Variants in PKIB observed in about 807,000 individuals in gnomAD.
The protein encoded by PKIB is cAMP-dependent protein kinase inhibitor beta, also known as PKI-beta.
PKIB carries 2 observed loss-of-function variants against 4.5 expected under a neutral mutation model. The observed-to-expected ratio is 0.44, with a 90% CI of 0.18 to 1.39. The LOEUF (loss-of-function observed/expected upper bound fraction) is 1.39, where lower values mean the gene tolerates loss of function less well. PKIB is among the 40% of genes most tolerant of loss of function. PKIB has a pLI of 0.27. For synonymous variants in PKIB, 38 were observed against 36.0 expected (o/e 1.06, Z -0.20); for missense variants, 94 against 92.6 (o/e 1.02, Z -0.06).
At position 122,600,397 on chromosome 6, in the gene PKIB, A is replaced by T. The variant is rs181856606; in HGVS notation, c.-161+14390A>T. Among the ~76,000 whole-genome samples, 27 of 152,310 alleles carry T rather than the reference A, an allele frequency of 1.8e-4. No homozygotes were observed. The East Asian group carries it at 3.7e-3, about 21-fold the overall frequency. ...CAGGATCAATAGTTTGTATCCATCA[A>T]TCCAATTAAGTTGACACTCAGTATT... is the stretch of plus-strand genomic sequence containing the variant. On this transcript the variant is annotated intron_variant, in intron 3 of 6. Coordinates refer to the PKIB transcript ENST00000392491.
intron 2 of PKIB, among the ~76,000 whole-genome samples, chr6:122,649,185 A>G (rs1177912299): frequency 6.6e-6 from 1 of 152,076 alleles, no homozygotes; most frequent in East Asian, 1.9e-4. Context: ...TTTTTCAGTC[A>G]TGTTCCTTTT....
chr6:122,690,435 A>G (rs1447054452), intron 3 of PKIB, among the ~76,000 whole-genome samples: 2 of 152,014 alleles, frequency 1.3e-5, no homozygotes, highest in Non-Finnish European at 2.9e-5. Flanking sequence ...TCAGGTTACC[A>G]TGAGGATTGC....
At chr6:122,671,363 C>G (rs528961672) in intron 2 of PKIB, among the ~76,000 whole-genome samples, 1 of 143,122 alleles carries the variant, frequency 7.0e-6, no homozygotes, top group Non-Finnish European at 1.5e-5. Context: ...TAAAATAGTT[C>G]AAATGAAAGC....
intron 2 of PKIB, among the ~76,000 whole-genome samples, chr6:122,673,890 G>A (rs1258018163): frequency 6.6e-6 from 1 of 152,166 alleles, no homozygotes; most frequent in Admixed American, 6.5e-5. Context: ...GTGTTTTAGA[G>A]CACATAGGAA....
chr6:122,570,701 G>A (rs944512248), intron 2 of PKIB, among the ~76,000 whole-genome samples: 3 of 151,726 alleles, frequency 2.0e-5, no homozygotes, highest in African/African-American at 7.3e-5. Context: ...AACTATAAAC[G>A]TTAAAGTCAG....
chr6:122,500,880 G>A (rs1002609170), intron 2 of PKIB, among the ~76,000 whole-genome samples: 8 of 152,250 alleles, frequency 5.3e-5, no homozygotes, highest in Middle Eastern at 3.4e-3. Flanking sequence ...TCATATAGTA[G>A]AGCAGGAGAG....
At chr6:122,478,892 GA>G (rs1045746322) in intron 2 of PKIB, 13 of 152,244 alleles carry the variant, frequency 8.5e-5, no homozygotes, top group African/African-American at 3.1e-4. Context: ...GCACTGGAGG[GA>G]ATCTCCTGGT....
intron 2 of PKIB, among the ~76,000 whole-genome samples, chr6:122,540,287 G>A (rs1442340204): frequency 6.6e-6 from 1 of 151,580 alleles, no homozygotes; most frequent in African/African-American, 2.4e-5. Context: ...TGTCAATTCT[G>A]GATCTTTTCT....
At chr6:122,552,189 C>G (rs1383625707) in intron 2 of PKIB, among the ~76,000 whole-genome samples, 1 of 152,084 alleles carries the variant, frequency 6.6e-6, no homozygotes, top group African/African-American at 2.4e-5. Context: ...GGCTTTCTTT[C>G]TTGGTTCCAA....
chr6:122,568,680 C>T (rs1417781654), intron 2 of PKIB, among the ~76,000 whole-genome samples: 1 of 152,186 alleles, frequency 6.6e-6, no homozygotes, highest in Admixed American at 6.5e-5. Flanking sequence ...AGAAGCTCCC[C>T]ACTGAATTTT....
At chr6:122,512,729 A>G (rs1776622378) in intron 2 of PKIB, among the ~76,000 whole-genome samples, 1 of 152,170 alleles carries the variant, frequency 6.6e-6, no homozygotes, top group African/African-American at 2.4e-5. Context: ...CTTATAGTAG[A>G]AAAATATTCC....
intron 2 of PKIB, among the ~76,000 whole-genome samples, chr6:122,488,890 T>C (rs1775854268): frequency 6.6e-6 from 1 of 152,186 alleles, no homozygotes; most frequent in African/African-American, 2.4e-5. Flanking sequence ...AATTGTGTGT[T>C]CCCAGTGATA....
intron 2 of PKIB, among the ~76,000 whole-genome samples, chr6:122,665,094 A>G (rs1028185906): frequency 1.3e-5 from 2 of 152,160 alleles, no homozygotes; most frequent in East Asian, 3.9e-4. Flanking sequence ...TAGTAAAATT[A>G]AGCTTGTTTT....
chr6:122,592,325 T>A (rs1774042602), intron 3 of PKIB, among the ~76,000 whole-genome samples: 1 of 152,196 alleles, frequency 6.6e-6, no homozygotes. Context: ...TTTCTGGATT[T>A]AAATTTCTAT....
At chr6:122,575,526 T>C (rs755437411) in intron 2 of PKIB, among the ~76,000 whole-genome samples, 6 of 152,012 alleles carry the variant, frequency 3.9e-5, no homozygotes, top group Non-Finnish European at 7.4e-5. Flanking sequence ...TAAGCGCCCA[T>C]TGACCAACGA....
chr6:122,646,066 C>A (rs1182293586), intron 2 of PKIB, among the ~76,000 whole-genome samples: 2 of 151,898 alleles, frequency 1.3e-5, no homozygotes, highest in Non-Finnish European at 2.9e-5. Context: ...GTGAAGCACG[C>A]AATATGGAGG....
intron 2 of PKIB, among the ~76,000 whole-genome samples, chr6:122,506,165 T>G (rs1475565231): frequency 6.6e-6 from 1 of 152,202 alleles, no homozygotes; most frequent in Non-Finnish European, 1.5e-5. Context: ...TTTTTAAATC[T>G]TTACCAGTAA....
intron 2 of PKIB, among the ~76,000 whole-genome samples, chr6:122,577,464 A>C (rs1773577196): frequency 6.6e-6 from 1 of 152,210 alleles, no homozygotes; most frequent in Non-Finnish European, 1.5e-5. Context: ...AAAGACACAA[A>C]AAGATGTCAG....
chr6:122,560,643 A>G (rs1239399433), intron 2 of PKIB, among the ~76,000 whole-genome samples: 1 of 152,134 alleles, frequency 6.6e-6, no homozygotes, highest in Non-Finnish European at 1.5e-5. Flanking sequence ...GTTTGGTAGA[A>G]TTCTGCTGTG....
Sources: allele counts gnomAD v4.1 joint callset (sites outside exome capture counted in the v4.1 genomes callset), GRCh38; gene constraint gnomAD v4.1.1; transcripts MANE v1.5; gene names NCBI Gene and HGNC (gene_info 2026-07-23, HGNC 2026-07-21).